VDAC1: variants seen among roughly 807,000 people sequenced by gnomAD.
The protein encoded by VDAC1 is voltage dependent anion channel 1, also known as non-selective voltage-gated ion channel VDAC1.
In VDAC1, 10 loss-of-function variants were observed where a neutral mutation model predicts 34.7. The ratio of observed to expected loss-of-function variants is 0.29; its 90% CI spans 0.18 to 0.49. The LOEUF (loss-of-function observed/expected upper bound fraction) is 0.49, where lower values mean the gene tolerates loss of function less well. VDAC1 is among the 20% of genes least tolerant of loss of function. The pLI is 0.99. For synonymous variants in VDAC1, 130 were observed against 136.0 expected (o/e 0.96, Z 0.30); for missense variants, 230 against 347.9 (o/e 0.66, Z 2.69).
chr5:134,034,661 C>T, the VDAC1 span, among the ~76,000 whole-genome samples: 1 of 152,098 alleles, frequency 6.6e-6, no homozygotes, highest in Admixed American at 6.6e-5. Context: ...TTGTGTTTGA[C>T]GCCACCCAGC....
At chr5:134,072,913 C>T in the VDAC1 span, among the ~76,000 whole-genome samples, 9 of 152,296 alleles carry the variant, frequency 5.9e-5, no homozygotes, top group African/African-American at 1.9e-4. Context: ...AGAGCACTTC[C>T]CAATCATGTT....
At chr5:134,017,689 G>A in the VDAC1 span, among the ~76,000 whole-genome samples, 2 of 152,150 alleles carry the variant, frequency 1.3e-5, no homozygotes, top group African/African-American at 2.4e-5. Context: ...CGAGGTGGGC[G>A]GATCACGAGG....
chr5:133,999,852 T>C (rs1177342459), intron 1 of VDAC1, among the ~76,000 whole-genome samples: 2 of 152,132 alleles, frequency 1.3e-5, no homozygotes, highest in Non-Finnish European at 2.9e-5. Flanking sequence ...ATTGCCATCA[T>C]CTTATGATTC....
At chr5:134,105,630 C>T in the VDAC1 span, among the ~76,000 whole-genome samples, 3 of 152,208 alleles carry the variant, frequency 2.0e-5, no homozygotes, top group Non-Finnish European at 2.9e-5. Flanking sequence ...ACGGAGGAGT[C>T]CTGTTGGGAC....
intron 1 of VDAC1, 107 bp from the exon 2 acceptor site, chr5:133,993,125 C>T: frequency 8.7e-7 from 1 of 1,149,634 alleles, no homozygotes; most frequent in African/African-American, 1.6e-5. Flanking sequence ...AATCACCTAG[C>T]ACTAAGACTA....
chr5:134,106,465 T>C, the VDAC1 span, among the ~76,000 whole-genome samples: 1 of 150,748 alleles, frequency 6.6e-6, no homozygotes, highest in Admixed American at 6.6e-5. Context: ...TGGAGTGTAG[T>C]GGCATGATCT....
At chr5:134,027,230 G>A in the VDAC1 span, among the ~76,000 whole-genome samples, 5 of 152,102 alleles carry the variant, frequency 3.3e-5, no homozygotes, top group Admixed American at 2.6e-4. Flanking sequence ...GTGCTGAGAC[G>A]TCCCTGGATC....
the VDAC1 span, among the ~76,000 whole-genome samples, chr5:134,083,964 C>T: frequency 6.6e-6 from 1 of 152,320 alleles, no homozygotes; most frequent in South Asian, 2.1e-4. Flanking sequence ...GGCTCCAGCC[C>T]TTATGAGCTG....
At chr5:134,027,930 C>T in the VDAC1 span, among the ~76,000 whole-genome samples, 2 of 151,410 alleles carry the variant, frequency 1.3e-5, no homozygotes, top group African/African-American at 2.4e-5. Flanking sequence ...ACCACCATAC[C>T]CTGCTAATTT....
chr5:134,104,148 A>G, the VDAC1 span, among the ~76,000 whole-genome samples: 1 of 152,206 alleles, frequency 6.6e-6, no homozygotes, highest in Admixed American at 6.5e-5. Context: ...GGGGCTGTGA[A>G]TTTCAGAAGG....
At chr5:133,994,683 T>C (rs1449173442) in intron 1 of VDAC1, among the ~76,000 whole-genome samples, 1 of 152,046 alleles carries the variant, frequency 6.6e-6, no homozygotes, top group African/African-American at 2.4e-5. Context: ...CAACTCTGGA[T>C]TGAAAGCTGA....
chr5:133,987,457 C>T (rs1019243154), intron 5 of VDAC1, among the ~76,000 whole-genome samples: 4 of 152,136 alleles, frequency 2.6e-5, no homozygotes, highest in East Asian at 1.9e-4. Context: ...ACGGGTGGAT[C>T]GCTTGAGCTG....
At chr5:134,046,279 T>G in the VDAC1 span, among the ~76,000 whole-genome samples, 8 of 151,596 alleles carry the variant, frequency 5.3e-5, no homozygotes, top group Non-Finnish European at 1.2e-4. Flanking sequence ...CCACCCACCT[T>G]GGCCTCCCAT....
At chr5:134,041,265 G>T in the VDAC1 span, among the ~76,000 whole-genome samples, 34 of 152,204 alleles carry the variant, frequency 2.2e-4, no homozygotes, top group Admixed American at 4.6e-4. Flanking sequence ...TTCTTTGGGG[G>T]ATGTCAGAAA....
chr5:133,977,265 T>C (rs1039026815), intron 6 of VDAC1, among the ~76,000 whole-genome samples: 1 of 152,188 alleles, frequency 6.6e-6, no homozygotes, highest in Non-Finnish European at 1.5e-5. Context: ...ACAATTCATC[T>C]CGTCCACCTG....
At chr5:134,098,060 G>C in the VDAC1 span, among the ~76,000 whole-genome samples, 2 of 151,600 alleles carry the variant, frequency 1.3e-5, no homozygotes, top group East Asian at 1.9e-4. Flanking sequence ...AGTAGAGAAC[G>C]GGGTTTGACC....
At chr5:134,061,881 A>C in the VDAC1 span, among the ~76,000 whole-genome samples, 3 of 151,840 alleles carry the variant, frequency 2.0e-5, no homozygotes, top group African/African-American at 7.2e-5. Flanking sequence ...TTTGCCATCA[A>C]GGATATTGTT....
chr5:134,053,474 G>A, the VDAC1 span, among the ~76,000 whole-genome samples: 1 of 152,222 alleles, frequency 6.6e-6, no homozygotes, highest in African/African-American at 2.4e-5. Flanking sequence ...GCCGTGCCAG[G>A]GGCAGGCGCC....
chr5:134,006,868 CT>C (rs1374733021), upstream of VDAC1, among the ~76,000 whole-genome samples: 9 of 152,106 alleles, frequency 5.9e-5, no homozygotes, highest in African/African-American at 2.2e-4. Flanking sequence ...CACTTAGTGG[CT>C]GCGTGACCCA....
Sources: allele counts gnomAD v4.1 joint callset (sites outside exome capture counted in the v4.1 genomes callset), GRCh38; gene constraint gnomAD v4.1.1; transcripts MANE v1.5; gene names NCBI Gene and HGNC (gene_info 2026-07-23, HGNC 2026-07-21).